The following CCDC66 variants were observed in gnomAD, a reference collection of about 807,000 sequenced individuals.
The protein encoded by CCDC66 is coiled-coil domain-containing protein 66.
CCDC66 carries 133 observed loss-of-function variants against 128.3 expected under a neutral mutation model. The ratio of observed to expected loss-of-function variants is 1.04; its 90% CI spans 0.90 to 1.20. CCDC66 has a LOEUF of 1.20. Ranked by LOEUF, CCDC66 falls within the 50% of genes most tolerant of loss-of-function variation. The pLI is 0.00. For synonymous variants in CCDC66, 387 were observed against 357.0 expected (o/e 1.08, Z -0.95); for missense variants, 1,126 against 1,075.5 (o/e 1.05, Z -0.66).
intron 7 of CCDC66, among the ~76,000 whole-genome samples, chr3:56,578,871 C>CT (rs2067842929): frequency 6.6e-6 from 1 of 151,762 alleles, no homozygotes; most frequent in South Asian, 2.1e-4. Flanking sequence ...CTAAAATTCT[C>CT]TTTTTTTGTT....
At chr3:56,590,288 AT>A (rs1278576360) in intron 7 of CCDC66, among the ~76,000 whole-genome samples, 1 of 152,224 alleles carries the variant, frequency 6.6e-6, no homozygotes, top group East Asian at 1.9e-4. Context: ...GTAGTGGACC[AT>A]TTGAAAAGCC....
At chr3:56,559,293 A>G (rs1374740922) in intron 2 of CCDC66, among the ~76,000 whole-genome samples, 8 of 152,176 alleles carry the variant, frequency 5.3e-5, no homozygotes, top group African/African-American at 1.4e-4. Context: ...CACTTTTAGT[A>G]TTCGTTTTTA....
intron 9 of CCDC66, 89 bp downstream of exon 9, chr3:56,593,830 G>T (rs1322034647): frequency 7.6e-6 from 12 of 1,580,898 alleles, no homozygotes; most frequent in South Asian, 1.1e-5. Flanking sequence ...TTTCAGGTTT[G>T]GTATTTGTCT....
intron 10 of CCDC66, among the ~76,000 whole-genome samples, chr3:56,594,759 T>C (rs1452329172): frequency 1.3e-5 from 2 of 152,240 alleles, no homozygotes; most frequent in African/African-American, 4.8e-5. Context: ...GTCCTGATTT[T>C]AGCCTAATGC....
intron 7 of CCDC66, among the ~76,000 whole-genome samples, chr3:56,585,687 A>G (rs2069563657): frequency 6.6e-6 from 1 of 151,868 alleles, no homozygotes; most frequent in African/African-American, 2.4e-5. Context: ...TTCTCTGTAT[A>G]TAGTATAGCA....
intron 4 of CCDC66, chr3:56,565,198 C>T (rs1019053584): frequency 1.3e-5 from 5 of 397,158 alleles, no homozygotes; most frequent in Admixed American, 2.7e-5. Context: ...AGAAAAATAA[C>T]GTCAAGGTAA....
At chr3:56,563,588 A>C in intron 3 of CCDC66, 96 bp from the exon 4 acceptor site, 1 of 991,880 alleles carries the variant, frequency 1.0e-6, no homozygotes, top group Non-Finnish European at 1.4e-6. Context: ...CAAAATGGAA[A>C]AAAGTTTAGA....
chr3:56,581,804 A>G (rs2068430855), intron 7 of CCDC66, among the ~76,000 whole-genome samples: 1 of 151,642 alleles, frequency 6.6e-6, no homozygotes, highest in Non-Finnish European at 1.5e-5. Flanking sequence ...ACCCAGCTTT[A>G]TGAGGTGACA....
Position 56,571,314 on chromosome 3 carries a change from T to A in CCDC66, c.936+12T>A. The A allele has an allele frequency of 6.8e-7, 1 of 1,466,366 alleles. No individual in the cohort carries two copies. The highest frequency in any genetic ancestry group is 9.3e-7 in the Non-Finnish European group (1 of 1,073,258). 90.8% of individuals were successfully genotyped at this position (1,466,366 alleles called of 1,614,324 possible). ...TTGACCAATCTAGGGTAAGACATCT[T>A]AATTGCAATTTTTAAAATACTAAGC... is the stretch of plus-strand genomic sequence containing the variant. On this transcript the variant is annotated intron_variant, in intron 7 of 17. Coordinates refer to ENST00000394672, the MANE Select transcript of CCDC66 (RefSeq NM_001141947.3).
At chr3:56,565,687 G>A (rs570348052) in intron 4 of CCDC66, among the ~76,000 whole-genome samples, 36 of 151,566 alleles carry the variant, frequency 2.4e-4, no homozygotes, top group African/African-American at 8.2e-4. Flanking sequence ...CGTCGCCCAG[G>A]CTGGAGTCTC....
In CCDC66 at chr3:56,566,705, C is replaced by A. The variant is rs900342466; in HGVS notation, c.656C>A (p.Ser219Tyr). ...TCATCTGTCCCAGCTGAAAATAAATCTGTCTTAAATGAACATCAGGAGACA... is the reference window on the plus strand; with the variant it reads ...TCATCTGTCCCAGCTGAAAATAAATATGTCTTAAATGAACATCAGGAGACA... ...MVSSVPAENK[S>Y]VLNEHQETSK... Residue 219 changes from serine (S) to tyrosine (Y), a missense_variant, in exon 5 of 18, where the codon TCT becomes TAT. Transcript: ENST00000394672. The A allele has an allele frequency of 6.2e-7, 1 of 1,613,670 alleles. No individual in the cohort carries two copies. The highest frequency in any genetic ancestry group is 8.5e-7 in the Non-Finnish European group (1 of 1,179,846).
At chr3:56,612,757 A>G (rs1003750474) in intron 10 of CCDC66, among the ~76,000 whole-genome samples, 1 of 152,016 alleles carries the variant, frequency 6.6e-6, no homozygotes, top group Non-Finnish European at 1.5e-5. Flanking sequence ...ATACTCTAGG[A>G]GGAGTGCTCA....
intron 10 of CCDC66, among the ~76,000 whole-genome samples, chr3:56,607,300 T>C (rs2074211719): frequency 6.6e-6 from 1 of 152,228 alleles, no homozygotes; most frequent in Non-Finnish European, 1.5e-5. Context: ...CATTTGTTTG[T>C]GTAATCTGTG....
At position 56,617,103 on chromosome 3, in the gene CCDC66, T is replaced by G. The variant is rs1308780729; in HGVS notation, c.1844-9T>G. ...CAATTTTTAAAAATCATTTGCAACT[T>G]TTTTTTAGATGACTTAAATATAGGA... On this transcript the variant is annotated splice_polypyrimidine_tract_variant and intron_variant, in intron 13 of 17. Coordinates refer to ENST00000394672, the MANE Select transcript of CCDC66 (RefSeq NM_001141947.3). The G allele has an allele frequency of 6.6e-7, 1 of 1,507,792 alleles. No individual in the cohort carries two copies. The highest frequency in any genetic ancestry group is 1.4e-5 in the African/African-American group (1 of 70,472). The allele number at this position is 1,507,792 out of a possible 1,614,324, so 93.4% of individuals were successfully genotyped here. A position where few individuals can be genotyped will look rare whatever the true frequency, so the allele number is the denominator to read the frequency against.
At chr3:56,591,516 T>G (rs891035012) in intron 7 of CCDC66, among the ~76,000 whole-genome samples, 1 of 152,206 alleles carries the variant, frequency 6.6e-6, no homozygotes, top group African/African-American at 2.4e-5. Context: ...CAAAACACTT[T>G]CATAATGTTT....
intron 11 of CCDC66, 86 bp from the exon 12 acceptor site, chr3:56,615,042 G>T: frequency 1.4e-6 from 2 of 1,400,826 alleles, no homozygotes; most frequent in East Asian, 2.4e-5. Context: ...ATACATAGGA[G>T]AAGCTTAGAA....
chr3:56,566,231 C>A (rs1230438159), intron 4 of CCDC66, among the ~76,000 whole-genome samples: 1 of 152,060 alleles, frequency 6.6e-6, no homozygotes, highest in Non-Finnish European at 1.5e-5. Flanking sequence ...CTCAACCCAT[C>A]CTCCCACCTC....
intron 10 of CCDC66, among the ~76,000 whole-genome samples, chr3:56,613,141 C>A (rs1018066201): frequency 1.3e-5 from 2 of 152,118 alleles, no homozygotes; most frequent in Admixed American, 1.3e-4. Flanking sequence ...TGCTACAGTT[C>A]CTTAGGTCTT....
chr3:56,618,033 T>TATC (rs1324868810), intron 14 of CCDC66, 139 bp from the exon 15 acceptor site: 1 of 708,514 alleles, frequency 1.4e-6, no homozygotes, highest in Non-Finnish European at 2.5e-6. Flanking sequence ...GAAAAAACTA[T>TATC]ATCTATTCCA....
Sources: gnomAD v4.1 joint callset for allele counts (sites outside exome capture counted in the v4.1 genomes callset) on GRCh38, gnomAD v4.1.1 for gene constraint, MANE v1.5 for transcripts, NCBI Gene and HGNC (gene_info 2026-07-23, HGNC 2026-07-21) for gene names.